SMARCA4: variants seen among roughly 807,000 people sequenced by gnomAD.
SMARCA4 encodes SWI/SNF-related matrix-associated actin-dependent regulator of chromatin subfamily A member 4.
A neutral mutation model predicts 193.9 loss-of-function variants in SMARCA4; 31 were observed. The ratio of observed to expected loss-of-function variants is 0.16; its 90% CI spans 0.12 to 0.22. SMARCA4 has a LOEUF of 0.22. Ranked by LOEUF, SMARCA4 falls within the 10% of genes least tolerant of loss-of-function variation. The pLI is 1.00. For synonymous variants in SMARCA4, 942 were observed against 933.1 expected (o/e 1.01, Z -0.17); for missense variants, 1,148 against 2,296.0 (o/e 0.50, Z 10.22).
intron 24 of SMARCA4, among the ~76,000 whole-genome samples, chr19:11,028,971 C>T (rs1600346119): frequency 6.6e-6 from 1 of 152,316 alleles, no homozygotes; most frequent in East Asian, 1.9e-4. Context: ...TCCCGTTGAT[C>T]ACTTGGACCT....
In SMARCA4 at chr19:11,058,502, G is replaced by A. The variant is rs545589157; in HGVS notation, c.4533+139G>A. 2 of 735,198 alleles carry A rather than the reference G, an allele frequency of 2.7e-6. No homozygotes were observed. Among genetic ancestry groups the A allele is most frequent in the East Asian group, 5.3e-5 (2 of 37,396 alleles). 45.5% of individuals were successfully genotyped at this position (735,198 alleles called of 1,614,324 possible). A position where few individuals can be genotyped will look rare whatever the true frequency, so the allele number is the denominator to read the frequency against. ...CGGTGCCTTGGGCTACCTGGTTAGGGACCTGGTCGTGGGCTTTTGGGGTTC... is the reference window on the plus strand; with the variant it reads ...CGGTGCCTTGGGCTACCTGGTTAGGAACCTGGTCGTGGGCTTTTGGGGTTC... On this transcript the variant is annotated intron_variant, in intron 31 of 34. Coordinates refer to ENST00000344626, the MANE Select transcript of SMARCA4 (RefSeq NM_003072.5). This position sits in a 1 kb window ranked among gnomAD's most constrained non-coding sequence, Gnocchi z 5.8.
chr19:10,976,770 T>TG (rs1568405778), intron 1 of SMARCA4, among the ~76,000 whole-genome samples: 1 of 139,440 alleles, frequency 7.2e-6, no homozygotes. Context: ...AAAAAAAAAA[T>TG]TGGGCCGGGC....
chr19:10,995,269 C>G, intron 9 of SMARCA4: 1 of 610,046 alleles, frequency 1.6e-6, no homozygotes, highest in Non-Finnish European at 3.1e-6. Context: ...GCCCCCTTCC[C>G]TCGTTCTGTG....
rs1330092211 is a variant in SMARCA4, at chr19:10,984,313, C to G, written c.162C>G (p.His54Gln). The G allele has an allele frequency of 1.2e-6, 2 of 1,606,294 alleles. No individual in the cohort carries two copies. Among genetic ancestry groups the G allele is most frequent in the Non-Finnish European group, 1.7e-6 (2 of 1,176,754 alleles). ...GCCCAGGGCCGCCCTCAGCAGGACA[C>G]CCCATCCCCACCCAGGGGCCTGGAG... is the stretch of plus-strand genomic sequence containing the variant. ...GPSPGPPSAG[H>Q]PIPTQGPGGY... Residue 54 changes from histidine to glutamine, a missense_variant, in exon 2 of 35, where the codon CAC becomes CAG. By Grantham distance (24) the His-to-Gln change is conservative (BLOSUM62 0). Around this residue, in one of 17 missense-constraint regions of SMARCA4, gnomAD observed 201 missense variants for 248.3 expected, o/e 0.81. Coordinates refer to ENST00000344626, the MANE Select transcript of SMARCA4 (RefSeq NM_003072.5). This position sits in a 1 kb window ranked among gnomAD's most constrained non-coding sequence, Gnocchi z 4.3.
chr19:10,975,710 T>G (rs998468597), intron 1 of SMARCA4, among the ~76,000 whole-genome samples: 1 of 152,208 alleles, frequency 6.6e-6, no homozygotes, highest in Non-Finnish European at 1.5e-5. Context: ...TGAGGCAATA[T>G]GGCCACACCA....
At chr19:11,007,879 G>A (rs376984392) in intron 13 of SMARCA4, 23 bp from the exon 14 acceptor site, 7 of 1,612,944 alleles carry the variant, frequency 4.3e-6, no homozygotes, top group East Asian at 2.2e-5. Context: ...GAACTGAGGT[G>A]ACATGGGCTT....
In SMARCA4 at chr19:11,041,950, G is replaced by T. The variant is rs2075642277; in HGVS notation, c.4424+390G>T. ...CTCAAGGGATGAGGTGGGATGAGGG[G>T]TTATATGGCAGTAATGGGTGCTGCC... On this transcript the variant is annotated intron_variant, in intron 30 of 34. Transcript: ENST00000344626. The surrounding 1 kb of genome is among the most constrained non-coding windows in gnomAD (Gnocchi z 5.6). Among the ~76,000 whole-genome samples the T allele has an allele frequency of 6.6e-6, 1 of 152,188 alleles. No individual in the cohort carries two copies. The highest frequency in any genetic ancestry group is 1.5e-5 in the Non-Finnish European group (1 of 68,034).
rs113453831 is a variant in SMARCA4, at chr19:10,972,732, G to A, written c.-31-11389G>A. Among the ~76,000 whole-genome samples the A allele has an allele frequency of 3.6e-3, 553 of 152,240 alleles. 7 individuals are homozygous for A. The highest frequency in any genetic ancestry group is 0.012 in the African/African-American group (514 of 41,542). ...GTCTCCACACAGTGTCACTCCTCAC[G>A]CTCAGTGTTGCGTATATAGCTGATA... On this transcript the variant is annotated intron_variant, in intron 1 of 34. Coordinates refer to ENST00000344626, the MANE Select transcript of SMARCA4 (RefSeq NM_003072.5).
Position 11,050,090 on chromosome 19 carries a change from A to C in SMARCA4, c.4425-8165A>C, listed in dbSNP as rs1327550394. Among the ~76,000 whole-genome samples, 5 of 152,302 alleles carry C rather than the reference A, an allele frequency of 3.3e-5. No individual in the cohort carries two copies. In the East Asian group the frequency reaches 9.6e-4, roughly 29 times the overall value. ...CTCCAGCCTGGGTGACAGTGAGACT[A>C]CGTCTCAAAAAAAAAGACTGTGCTA... is the stretch of plus-strand genomic sequence containing the variant. On this transcript the variant is annotated intron_variant, in intron 30 of 34. Coordinates refer to ENST00000344626, the MANE Select transcript of SMARCA4 (RefSeq NM_003072.5).
chr19:11,053,465 A>G (rs921399900), intron 30 of SMARCA4, among the ~76,000 whole-genome samples: 8 of 151,624 alleles, frequency 5.3e-5, no homozygotes, highest in Non-Finnish European at 1.0e-4. Context: ...AAAAAAAAAA[A>G]AAAGAAAGAA....
chr19:11,019,618 G>A lies in SMARCA4; in HGVS notation c.2533G>A (p.Val845Ile), dbSNP rs878854210. The change falls in exon 18 of 35, where the codon GTC becomes ATC. Residue 845 changes from valine to isoleucine, a missense_variant. Physicochemically the swap from Val to Ile is conservative, Grantham distance 29. Coordinates refer to ENST00000344626, the MANE Select transcript of SMARCA4 (RefSeq NM_003072.5). This position sits in a 1 kb window ranked among gnomAD's most constrained non-coding sequence, Gnocchi z 6.1. ...KGSPAARRAFVPQLRSGKFNV... is the reference protein window; with the variant it reads ...KGSPAARRAFIPQLRSGKFNV... ...ATCCCCAGCAGCAAGACGGGCCTTT[G>A]TCCCCCAGCTCCGGAGTGGGAAGTT... 1.2e-6 allele frequency: 2 copies of A among 1,612,648 alleles called. No individual in the cohort carries two copies. The highest frequency in any genetic ancestry group is 2.2e-5 in the East Asian group (1 of 44,882).
At chr19:10,999,849 C>T (rs1401611035) in intron 11 of SMARCA4, among the ~76,000 whole-genome samples, 3 of 152,204 alleles carry the variant, frequency 2.0e-5, no homozygotes, top group East Asian at 1.9e-4. Flanking sequence ...CTAATGGACA[C>T]CTCTATGCAG....
At chr19:11,061,204 A>AAAAAAAAAAATATATATAT (rs1555797070) in intron 34 of SMARCA4, among the ~76,000 whole-genome samples, 1 of 45,226 alleles carries the variant, frequency 2.2e-5, no homozygotes, top group African/African-American at 1.1e-4. Flanking sequence ...AAAAAAAAAA[A>AAAAAAAAAAATATATATAT]ATATATATAT....
chr19:11,031,857 C>G lies in SMARCA4; in HGVS notation c.3546+964C>G, dbSNP rs1659929120. 2 of 152,292 alleles carry G rather than the reference C, an allele frequency of 1.3e-5. No individual in the cohort carries two copies. The highest frequency in any genetic ancestry group is 4.8e-5 in the African/African-American group (2 of 41,464). The allele number at this position is 152,292 out of a possible 1,614,324, so 9.4% of individuals were successfully genotyped here. ...GTCGCTCCACCCCAGACATTGTCCT[C>G]TTCGTGTTCTGGTTGCTACTGCCAA... On this transcript the variant is annotated intron_variant, in intron 25 of 34. Transcript: ENST00000344626. The surrounding 1 kb of genome is among the most constrained non-coding windows in gnomAD (Gnocchi z 4.3).
rs2086135041 is a variant in SMARCA4, at chr19:10,987,221, A to G, written c.859+218A>G. On this transcript the variant is annotated intron_variant, in intron 5 of 34. Transcript: ENST00000344626. The surrounding 1 kb of genome is among the most constrained non-coding windows in gnomAD (Gnocchi z 5.3). The stretch of plus-strand genomic sequence containing the variant: ...CTCTGACAGCTTGTGGCCTTCACCC[A>G]GTCCCTGAGCCCTGTATATGTAATT... Among the ~76,000 whole-genome samples, 1 of 152,194 alleles carries G rather than the reference A, an allele frequency of 6.6e-6. No individual in the cohort carries two copies. The highest frequency in any genetic ancestry group is 1.5e-5 in the Non-Finnish European group (1 of 68,036).
In SMARCA4 at chr19:10,972,559, T is replaced by C. The variant is rs186942926; in HGVS notation, c.-32+11385T>C. Among the ~76,000 whole-genome samples the C allele has an allele frequency of 3.2e-4, 48 of 152,304 alleles. No homozygotes were observed. The East Asian group carries it at 7.7e-3, about 25-fold the overall frequency. ...GGAACCAGCTTGGTGCATTCAGCGC[T>C]GTTCGTATTTGGGGGTAGTCATCAG... On this transcript the variant is annotated intron_variant, in intron 1 of 34. Transcript: ENST00000344626.
chr19:10,999,660 A>G (rs1600106728), intron 11 of SMARCA4, among the ~76,000 whole-genome samples: 1 of 152,130 alleles, frequency 6.6e-6, no homozygotes, highest in Non-Finnish European at 1.5e-5. Flanking sequence ...CCTATCTCAC[A>G]CGCAAAAAGA....
At chr19:10,967,437 A>G (rs1271359292) in intron 1 of SMARCA4, among the ~76,000 whole-genome samples, 1 of 151,970 alleles carries the variant, frequency 6.6e-6, no homozygotes, top group Non-Finnish European at 1.5e-5. Context: ...CAGCCTCCTG[A>G]GTAGCTGGGA....
rs2146499346 is a variant in SMARCA4 at position 11,025,518 on chromosome 19, C to T, written c.3168+10C>T. ...GTTCCAGCACATCGAGGTGAGCCCG[C>T]CGCGGCTGGGACGGCTCAGGCCCTG... On this transcript the variant is annotated intron_variant, in intron 22 of 34. Transcript: ENST00000344626. The T allele has an allele frequency of 6.2e-7, 1 of 1,609,768 alleles. No individual in the cohort carries two copies. Among genetic ancestry groups the T allele is most frequent in the Admixed American group, 1.7e-5 (1 of 60,020 alleles).
Sources: gnomAD v4.1 joint callset for allele counts (sites outside exome capture counted in the v4.1 genomes callset) on GRCh38, gnomAD v4.1.1 for gene constraint, gnomAD v4.1.1 regional missense constraint, Gnocchi (gnomAD v3.1) non-coding constraint, MANE v1.5 for transcripts, NCBI Gene and HGNC (gene_info 2026-07-23, HGNC 2026-07-21) for gene names.